The following ANKS1B variants were observed in gnomAD, a reference collection of about 807,000 sequenced individuals.
ANKS1B encodes the protein ankyrin repeat and sterile alpha motif domain containing 1B.
Under a neutral mutation model 148.3 loss-of-function variants are expected in ANKS1B, and 36 were observed. The observed-to-expected ratio is 0.24, with a 90% CI of 0.19 to 0.32. ANKS1B has a LOEUF of 0.32. Ranked by LOEUF, ANKS1B falls within the 10% of genes least tolerant of loss-of-function variation. The pLI is 1.00. For missense variants in ANKS1B, 1,157 were observed against 1,542.6 expected, an observed-to-expected ratio of 0.75 and a Z score of 4.19; for synonymous variants, 542 against 560.8, an observed-to-expected ratio of 0.97 and a Z score of 0.47.
intron 14 of ANKS1B, among the ~76,000 whole-genome samples, chr12:99,219,915 G>A (rs1424704541): frequency 6.6e-6 from 1 of 152,178 alleles, no homozygotes; most frequent in East Asian, 1.9e-4. Flanking sequence ...GGTGGTGAGT[G>A]GTGTTCAAAT....
Position 99,745,192 on chromosome 12 carries a change from AAACAT to A in ANKS1B, c.1128+27725_1128+27729del, listed in dbSNP as rs570130439. ...AATTCAATAAACAAAGAGAATAAGG[AAACAT>A]AACATAACTGATCACTGTAATTGTG... On this transcript the variant is annotated intron_variant, in intron 8 of 26. Coordinates refer to ENST00000683438, the MANE Select transcript of ANKS1B (RefSeq NM_001352186.2). Among the ~76,000 whole-genome samples the A allele has an allele frequency of 3.7e-4, 57 of 152,230 alleles. 1 individual carries two copies. Among genetic ancestry groups the A allele is most frequent in the African/African-American group, 1.2e-3 (50 of 41,554 alleles).
chr12:98,762,416 AG>A (rs1223193701), intron 25 of ANKS1B, among the ~76,000 whole-genome samples: 3 of 152,208 alleles, frequency 2.0e-5, no homozygotes, highest in Admixed American at 2.0e-4. Context: ...TGTTACCCAG[AG>A]GCCAGACTGC....
chr12:99,214,496 C>T (rs1206064300), intron 14 of ANKS1B, among the ~76,000 whole-genome samples: 5 of 152,140 alleles, frequency 3.3e-5, no homozygotes, highest in Non-Finnish European at 7.4e-5. Flanking sequence ...TTATAAGGGG[C>T]AGTTCCCCTG....
rs869145338 is a variant in ANKS1B, at chr12:98,948,947, C to CTTTTTTTTTTTTTTTTTTTTTTTTTTT, written c.2778+104209_2778+104210insAAAAAAAAAAAAAAAAAAAAAAAAAAA. 1.1e-4 allele frequency among the ~76,000 whole-genome samples: 9 copies of CTTTTTTTTTTTTTTTTTTTTTTTTTTT among 84,862 alleles called. 2 individuals are homozygous for CTTTTTTTTTTTTTTTTTTTTTTTTTTT. The highest frequency in any genetic ancestry group is 5.4e-4 in the African/African-American group (8 of 14,736). 55.7% of individuals were successfully genotyped at this position (84,862 alleles called of 152,430 possible). ...AGGGGTGAGATATGAGCATGAGCTA[C>CTTTTTTTTTTTTTTTTTTTTTTTTTTT]TTTTTTTTTTTTTTTTTTTTTTTGA... On this transcript the variant is annotated intron_variant, in intron 17 of 26. Coordinates refer to ENST00000683438, the MANE Select transcript of ANKS1B (RefSeq NM_001352186.2).
chr12:99,609,371 G>C (rs1056795777), intron 9 of ANKS1B, among the ~76,000 whole-genome samples: 8 of 151,798 alleles, frequency 5.3e-5, no homozygotes, highest in African/African-American at 1.9e-4. Flanking sequence ...AGTCTTTTAC[G>C]ACTTAACCAG....
intron 14 of ANKS1B, 82 bp downstream of exon 14, chr12:99,244,260 C>T (rs2153967811): frequency 1.1e-6 from 1 of 923,720 alleles, no homozygotes; most frequent in Non-Finnish European, 1.6e-6. Flanking sequence ...GAAAAAAATG[C>T]AATTATCTAA....
chr12:99,137,641 T>C (rs557371236), intron 15 of ANKS1B, among the ~76,000 whole-genome samples: 8 of 152,318 alleles, frequency 5.3e-5, no homozygotes, highest in Middle Eastern at 6.8e-3. Flanking sequence ...CTTGGTTTTA[T>C]GTATTTCCTC....
At chr12:99,703,460 G>T (rs1372357556) in intron 8 of ANKS1B, among the ~76,000 whole-genome samples, 1 of 152,208 alleles carries the variant, frequency 6.6e-6, no homozygotes, top group East Asian at 1.9e-4. Flanking sequence ...AACCCACCAT[G>T]TGTTATGGTT....
intron 12 of ANKS1B, among the ~76,000 whole-genome samples, chr12:99,275,090 TAATGGAGTA>T (rs1387668129): frequency 6.6e-6 from 1 of 152,226 alleles, no homozygotes; most frequent in Non-Finnish European, 1.5e-5. Flanking sequence ...GTGTATGTAT[TAATGGAGTA>T]AATGAAACAT....
intron 14 of ANKS1B, among the ~76,000 whole-genome samples, chr12:99,193,547 G>A (rs1021285725): frequency 6.6e-6 from 1 of 152,090 alleles, no homozygotes; most frequent in African/African-American, 2.4e-5. Context: ...GAAGGCTCTT[G>A]TGTCATGCAA....
intron 1 of ANKS1B, among the ~76,000 whole-genome samples, chr12:99,868,840 T>A (rs962313498): frequency 2.0e-5 from 3 of 151,982 alleles, no homozygotes; most frequent in African/African-American, 7.3e-5. Flanking sequence ...GGCAGATCAT[T>A]TGAGATCAGG....
At chr12:99,008,086 A>C (rs1168825088) in intron 17 of ANKS1B, among the ~76,000 whole-genome samples, 1 of 152,012 alleles carries the variant, frequency 6.6e-6, no homozygotes, top group Non-Finnish European at 1.5e-5. Context: ...GCTACTTCTT[A>C]TTAAGTCCTG....
At position 98,819,964 on chromosome 12, in the gene ANKS1B, T is replaced by C. The variant is rs187980510; in HGVS notation, c.3066+9210A>G. On this transcript the variant is annotated intron_variant, in intron 19 of 26. Transcript: ENST00000683438. ...TTTACTATCTCTGATTTGTAAAGAA[T>C]GAAAAATTGGATGTCAGGAGCAAAG... 1.1e-3 allele frequency among the ~76,000 whole-genome samples: 173 copies of C among 152,346 alleles called. 1 individual carries two copies. Among genetic ancestry groups the C allele is most frequent in the Non-Finnish European group, 2.0e-3 (136 of 68,026 alleles).
At chr12:99,591,386 C>A (rs1448809703) in intron 9 of ANKS1B, among the ~76,000 whole-genome samples, 3 of 151,886 alleles carry the variant, frequency 2.0e-5, no homozygotes, top group Admixed American at 6.6e-5. Flanking sequence ...GTCAAAGTAA[C>A]CATGACTACG....
intron 14 of ANKS1B, among the ~76,000 whole-genome samples, chr12:99,214,244 C>T (rs191997775): frequency 1.3e-5 from 2 of 152,168 alleles, no homozygotes; most frequent in South Asian, 2.1e-4. Flanking sequence ...AAAGTTTAAG[C>T]GTACATGGGA....
chr12:98,908,382 GACTTGCACTTGGGCAAGC>G (rs1428014020), intron 17 of ANKS1B, among the ~76,000 whole-genome samples: 2 of 152,140 alleles, frequency 1.3e-5, no homozygotes, highest in Middle Eastern at 3.2e-3. Context: ...CCTTCTCTGT[GACTTGCACTTGGGCAAGC>G]ACTTAACAAT....
At chr12:99,349,678 A>G (rs1164834779) in intron 12 of ANKS1B, among the ~76,000 whole-genome samples, 1 of 152,044 alleles carries the variant, frequency 6.6e-6, no homozygotes, top group African/African-American at 2.4e-5. Context: ...CAAAATATAT[A>G]AAGCAAATTT....
In ANKS1B at chr12:99,812,074, TA is replaced by T. The variant is rs573437585; in HGVS notation, c.372+80del. The T allele has an allele frequency of 2.1e-4, 310 of 1,491,526 alleles. 2 individuals carry two copies. The African/African-American group carries it at 3.7e-3, about 18-fold the overall frequency. 92.4% of individuals were successfully genotyped at this position (1,491,526 alleles called of 1,614,324 possible). A position where few individuals can be genotyped will look rare whatever the true frequency, so the allele number is the denominator to read the frequency against. On this transcript the variant is annotated intron_variant, in intron 3 of 26. Coordinates refer to ENST00000683438, the MANE Select transcript of ANKS1B (RefSeq NM_001352186.2). ...GAAAGGCCTTTGGGCAAGGTAAAGA[TA>T]AAAAAATCACATTTTCAATATGGCT...
intron 12 of ANKS1B, among the ~76,000 whole-genome samples, chr12:99,327,614 G>A (rs550508732): frequency 1.3e-5 from 2 of 148,330 alleles, no homozygotes; most frequent in East Asian, 3.9e-4. Flanking sequence ...TGTGTGTTAG[G>A]GAGGTATATG....
Sources: allele counts gnomAD v4.1 joint callset (sites outside exome capture counted in the v4.1 genomes callset), GRCh38; gene constraint gnomAD v4.1.1; transcripts MANE v1.5; gene names NCBI Gene and HGNC (gene_info 2026-07-23, HGNC 2026-07-21).